The following SLC35F2 variants were observed in gnomAD, a reference collection of about 807,000 sequenced individuals.
SLC35F2 encodes solute carrier family 35 member F2.
SLC35F2 carries 25 observed loss-of-function variants against 38.1 expected under a neutral mutation model. The ratio of observed to expected loss-of-function variants is 0.66; its 90% CI spans 0.48 to 0.92. The LOEUF (loss-of-function observed/expected upper bound fraction) is 0.92, where lower values mean the gene tolerates loss of function less well. Ranked by LOEUF, SLC35F2 falls within the 40% of genes least tolerant of loss-of-function variation. The probability of loss-of-function intolerance (pLI) is 0.00; values close to 1 mark genes in which losing one functional copy is unlikely to be tolerated. For missense variants in SLC35F2, 409 were observed against 452.9 expected (o/e 0.90, Z 0.88); for synonymous variants, 173 against 181.7 (o/e 0.95, Z 0.38).
chr11:107,810,326 G>A (rs1343855959), intron 3 of SLC35F2: 29 of 985,084 alleles, frequency 2.9e-5, no homozygotes, highest in Non-Finnish European at 3.4e-5. Flanking sequence ...AACTTCAGTC[G>A]CAACTATCCA....
intron 1 of SLC35F2, among the ~76,000 whole-genome samples, chr11:107,817,324 A>C (rs1443260649): frequency 6.6e-6 from 1 of 152,106 alleles, no homozygotes; most frequent in African/African-American, 2.4e-5. Flanking sequence ...AAAGAGCTGG[A>C]CGGGAAAGAC....
In SLC35F2 at chr11:107,803,095, A is replaced by G. The variant is rs745988916; in HGVS notation, c.845T>C (p.Val282Ala). 1 of 1,614,040 alleles carries G rather than the reference A, an allele frequency of 6.2e-7. No homozygotes were observed. The highest frequency in any genetic ancestry group is 1.1e-5 in the South Asian group (1 of 91,076). ...GGAAGTGGCACTAGTGACTTTAATC[A>G]CCAATGGCATGAAGCTGTACAGGCA... ...MFCLYSFMPL[V>A]IKVTSATSVN... Residue 282 changes from valine (V) to alanine (A), a missense_variant, in exon 7 of 8, where the codon GTG becomes GCG. By Grantham distance (64) the Val-to-Ala change is moderately conservative. Coordinates refer to ENST00000525815, the MANE Select transcript of SLC35F2 (RefSeq NM_017515.5).
At chr11:107,850,512 G>A (rs577973106) in intron 1 of SLC35F2, among the ~76,000 whole-genome samples, 1 of 152,160 alleles carries the variant, frequency 6.6e-6, no homozygotes, top group African/African-American at 2.4e-5. Flanking sequence ...ACATCTTACA[G>A]AACAGCCCCA....
intron 7 of SLC35F2, among the ~76,000 whole-genome samples, chr11:107,794,912 G>A (rs1859194130): frequency 6.6e-6 from 1 of 152,110 alleles, no homozygotes; most frequent in Non-Finnish European, 1.5e-5. Flanking sequence ...CACTAATAAT[G>A]AACTAGCTGA....
At chr11:107,834,707 A>T (rs1001385649) in intron 1 of SLC35F2, among the ~76,000 whole-genome samples, 1 of 152,218 alleles carries the variant, frequency 6.6e-6, no homozygotes, top group Non-Finnish European at 1.5e-5. Context: ...CCACAGCCGT[A>T]AAAATACAGG....
At chr11:107,801,920 T>C (rs1859316006) in intron 7 of SLC35F2, among the ~76,000 whole-genome samples, 1 of 152,154 alleles carries the variant, frequency 6.6e-6, no homozygotes, top group Non-Finnish European at 1.5e-5. Context: ...ATCACCTCCC[T>C]GGGCCTTTGT....
intron 1 of SLC35F2, among the ~76,000 whole-genome samples, chr11:107,824,230 A>G (rs1859721035): frequency 6.6e-6 from 1 of 152,208 alleles, no homozygotes; most frequent in Non-Finnish European, 1.5e-5. Context: ...AAAGGAAATC[A>G]GTGTTTTCTT....
At chr11:107,809,162 T>A (rs1859443030) in intron 3 of SLC35F2, among the ~76,000 whole-genome samples, 1 of 151,968 alleles carries the variant, frequency 6.6e-6, no homozygotes, top group Non-Finnish European at 1.5e-5. Flanking sequence ...ATCTATCACC[T>A]TTAGTCATGT....
chr11:107,792,505 C>A lies in SLC35F2; in HGVS notation c.*110G>T, dbSNP rs2134751883. The stretch of plus-strand genomic sequence containing the variant: ...CTAAAACCTAACCACTGGATCCAAC[C>A]CAGGGTTGTAGAGTGTCCATTCTGA... On this transcript the variant is annotated 3_prime_UTR_variant, in exon 8 of 8. Coordinates refer to ENST00000525815, the MANE Select transcript of SLC35F2 (RefSeq NM_017515.5). 1.5e-6 allele frequency: 2 copies of A among 1,290,522 alleles called. No individual in the cohort carries two copies. The highest frequency in any genetic ancestry group is 2.1e-6 in the Non-Finnish European group (2 of 964,590). 79.9% of individuals were successfully genotyped at this position (1,290,522 alleles called of 1,614,324 possible).
chr11:107,792,857 G>T, intron 7 of SLC35F2, 57 bp from the exon 8 acceptor site: 1 of 1,454,316 alleles, frequency 6.9e-7, no homozygotes, highest in South Asian at 1.6e-5. Flanking sequence ...CTTTGCTGCT[G>T]GCTTTTGCCA....
In SLC35F2 at chr11:107,805,491, A is replaced by G; in HGVS notation, c.599T>C (p.Ile200Thr). The G allele has an allele frequency of 6.2e-7, 1 of 1,613,874 alleles. No individual in the cohort carries two copies. Among genetic ancestry groups the G allele is most frequent in the Non-Finnish European group, 8.5e-7 (1 of 1,179,924 alleles). ...NSGSDVLIGDILVLLGASLYA... is the reference protein window; with the variant it reads ...NSGSDVLIGDTLVLLGASLYA... ...GAGGGAAGCCCCAAGAAGGACCAAG[A>G]TGTCACCAATCAATACATCACTCCC... Residue 200 changes from isoleucine (I) to threonine (T), a missense_variant, in exon 5 of 8, where the codon ATC (isoleucine) becomes ACC (threonine). Transcript: ENST00000525815.
chr11:107,797,952 T>C (rs1218778809), intron 7 of SLC35F2, among the ~76,000 whole-genome samples: 1 of 152,134 alleles, frequency 6.6e-6, no homozygotes, highest in Non-Finnish European at 1.5e-5. Flanking sequence ...TTAGAGCTGT[T>C]TGGAGTACTC....
chr11:107,843,862 A>AT (rs1860055113), intron 1 of SLC35F2, among the ~76,000 whole-genome samples: 1 of 37,194 alleles, frequency 2.7e-5, no homozygotes. Flanking sequence ...AAAAAAAAAA[A>AT]AAAAAAATAT....
At chr11:107,846,750 G>A (rs537045989) in intron 1 of SLC35F2, among the ~76,000 whole-genome samples, 69 of 152,126 alleles carry the variant, frequency 4.5e-4, no homozygotes, top group Non-Finnish European at 4.4e-4. Context: ...TGGCCAACAC[G>A]GTCAAACCCT....
chr11:107,806,452 C>A, intron 4 of SLC35F2: 1 of 408,274 alleles, frequency 2.4e-6, no homozygotes, highest in Non-Finnish European at 4.6e-6. Flanking sequence ...ATTCATGGAC[C>A]TTAATTAGAT....
intron 1 of SLC35F2, among the ~76,000 whole-genome samples, chr11:107,835,486 G>T (rs1859917188): frequency 6.6e-6 from 1 of 151,748 alleles, no homozygotes; most frequent in Non-Finnish European, 1.5e-5. Context: ...GCCCAAACTG[G>T]AGCGCAGTGG....
In SLC35F2 at chr11:107,802,057, G is replaced by A. The variant is rs184558470; in HGVS notation, c.939+944C>T. Among the ~76,000 whole-genome samples the A allele has an allele frequency of 6.3e-3, 953 of 152,068 alleles. 10 individuals are homozygous for A. The highest frequency in any genetic ancestry group is 0.021 in the African/African-American group (856 of 41,458). On this transcript the variant is annotated intron_variant, in intron 7 of 7. Coordinates refer to ENST00000525815, the MANE Select transcript of SLC35F2 (RefSeq NM_017515.5). ...AGTTCAAGACCAGCCTGGCCAACAT[G>A]GTGAAACCCCATCTCTACAAAAATA...
Position 107,792,998 on chromosome 11 carries a change from C to A in SLC35F2, c.940-198G>T, listed in dbSNP as rs1225998781. ...GTGGCACAATCTCGGCTCACTGCAA[C>A]CTCCACCTCCCAGGCTCCAGTGATC... On this transcript the variant is annotated intron_variant, in intron 7 of 7. Transcript: ENST00000525815. 3 of 785,324 alleles carry A rather than the reference C, an allele frequency of 3.8e-6. No individual in the cohort carries two copies. In the African/African-American group the frequency reaches 5.7e-5, roughly 15 times the overall value. 48.6% of individuals were successfully genotyped at this position (785,324 alleles called of 1,614,324 possible).
intron 7 of SLC35F2, among the ~76,000 whole-genome samples, chr11:107,794,947 A>T (rs1859194670): frequency 6.6e-6 from 1 of 152,218 alleles, no homozygotes; most frequent in Non-Finnish European, 1.5e-5. Flanking sequence ...AGGCAATCCC[A>T]TTTACAACAG....
Sources: gnomAD v4.1 joint callset for allele counts (sites outside exome capture counted in the v4.1 genomes callset) on GRCh38, gnomAD v4.1.1 for gene constraint, MANE v1.5 for transcripts, NCBI Gene and HGNC (gene_info 2026-07-23, HGNC 2026-07-21) for gene names.